The following RORA variants were observed in gnomAD, a reference collection of about 807,000 sequenced individuals.
RORA encodes the protein nuclear receptor ROR-alpha.
Under a neutral mutation model 69.5 loss-of-function variants are expected in RORA, and 7 were observed. That is an observed-to-expected ratio of 0.10 (90% CI 0.06 to 0.19). The LOEUF is 0.19. RORA is among the 10% of genes least tolerant of loss of function. RORA has a pLI of 1.00. For missense variants in RORA, 457 were observed against 663.0 expected (o/e 0.69, Z 3.41); for synonymous variants, 261 against 240.8 (o/e 1.08, Z -0.78).
intron 2 of RORA, among the ~76,000 whole-genome samples, chr15:60,613,617 C>G (rs1393083866): frequency 6.6e-6 from 1 of 151,830 alleles, no homozygotes. Flanking sequence ...ATGAATGTCT[C>G]TTTGTGAACT....
chr15:61,194,623 A>C (rs1380639853), intron 1 of RORA, among the ~76,000 whole-genome samples: 1 of 151,894 alleles, frequency 6.6e-6, no homozygotes, highest in African/African-American at 2.4e-5. Flanking sequence ...ATCATTCCAT[A>C]GACAATGGCC....
Position 60,883,636 on chromosome 15 carries a change from C to A in RORA, c.167-204950G>T, listed in dbSNP as rs188946363. Among the ~76,000 whole-genome samples the A allele has an allele frequency of 1.7e-3, 264 of 152,240 alleles. 1 individual carries two copies. Among genetic ancestry groups the A allele is most frequent in the Non-Finnish European group, 3.3e-3 (223 of 68,012 alleles). ...AAAATGAATAAATGAATATAGTTAT[C>A]AGTGACAGTATTACAGATAATTAGA... On this transcript the variant is annotated intron_variant, in intron 1 of 10. Transcript: ENST00000335670.
intron 1 of RORA, among the ~76,000 whole-genome samples, chr15:60,865,600 T>C (rs1281089724): frequency 6.6e-6 from 1 of 152,214 alleles, no homozygotes; most frequent in Non-Finnish European, 1.5e-5. Context: ...AACTGAGGCA[T>C]TACACAGTTT....
At chr15:61,031,991 G>C (rs1217540940) in intron 1 of RORA, among the ~76,000 whole-genome samples, 3 of 152,180 alleles carry the variant, frequency 2.0e-5, no homozygotes, top group Non-Finnish European at 4.4e-5. Context: ...TTTTATCGCT[G>C]ATTACCTGAT....
At chr15:60,606,334 A>C (rs924388494) in intron 2 of RORA, among the ~76,000 whole-genome samples, 4 of 152,256 alleles carry the variant, frequency 2.6e-5, no homozygotes, top group African/African-American at 7.2e-5. Context: ...TTCCAGCAAC[A>C]AAATAATCCC....
intron 1 of RORA, among the ~76,000 whole-genome samples, chr15:61,064,503 C>G (rs192891130): frequency 4.6e-4 from 70 of 152,266 alleles, no homozygotes; most frequent in African/African-American, 1.7e-3. Flanking sequence ...ACTTTAGAAC[C>G]AAGAGAGTCA....
intron 1 of RORA, among the ~76,000 whole-genome samples, chr15:60,995,133 C>A (rs764330791): frequency 6.6e-6 from 1 of 152,014 alleles, no homozygotes; most frequent in Non-Finnish European, 1.5e-5. Context: ...GAGGGTGGGG[C>A]AGAGAATAGG....
rs1432299454 is a variant in RORA, at chr15:61,213,952, A to G, written c.166+15101T>C. On this transcript the variant is annotated intron_variant, in intron 1 of 10. Coordinates refer to ENST00000335670, the MANE Select transcript of RORA (RefSeq NM_134261.3). The surrounding 1 kb of genome is among the most constrained non-coding windows in gnomAD (Gnocchi z 4.1). ...ATCCCAGTCCTCCCTCAGCTGGCTC[A>G]TCTTTCACATATTGATTCTAAACTG... 6.6e-6 allele frequency: 1 copy of G among 152,250 alleles called. No individual in the cohort carries two copies. The highest frequency in any genetic ancestry group is 2.4e-5 in the African/African-American group (1 of 41,446). The allele number at this position is 152,250 out of a possible 1,614,324, so 9.4% of individuals were successfully genotyped here. A position where few individuals can be genotyped will look rare whatever the true frequency, so the allele number is the denominator to read the frequency against.
chr15:60,833,034 A>T (rs1305018261), intron 1 of RORA, among the ~76,000 whole-genome samples: 1 of 151,564 alleles, frequency 6.6e-6, no homozygotes, highest in African/African-American at 2.4e-5. Flanking sequence ...CCTCCTGAGT[A>T]GCTGGGACTA....
chr15:60,841,565 T>G (rs73428368), intron 1 of RORA, among the ~76,000 whole-genome samples: 4,698 of 152,054 alleles, frequency 0.031, 253 homozygotes, highest in African/African-American at 0.11. Context: ...AAAGGAAGAG[T>G]AAAAATGCTA....
intron 1 of RORA, among the ~76,000 whole-genome samples, chr15:61,057,290 T>C (rs1344850821): frequency 6.6e-6 from 1 of 152,242 alleles, no homozygotes; most frequent in African/African-American, 2.4e-5. Flanking sequence ...TATTCTAGTA[T>C]AAAAGAGAAA....
At chr15:60,916,973 G>C (rs547215471) in intron 1 of RORA, among the ~76,000 whole-genome samples, 6 of 152,162 alleles carry the variant, frequency 3.9e-5, no homozygotes, top group Non-Finnish European at 5.9e-5. Context: ...GTGTTGACAG[G>C]GAAATTCCCC....
In RORA at chr15:60,985,281, G is replaced by C. The variant is rs540112891; in HGVS notation, c.166+243772C>G. On this transcript the variant is annotated intron_variant, in intron 1 of 10. Coordinates refer to ENST00000335670, the MANE Select transcript of RORA (RefSeq NM_134261.3). Reference sequence around the variant, plus strand: ...TGAAGTTCTTTAAAGAAGGGATTTAGAATTTAAATAGTATGGTTATTAGTA... The same window carrying C: ...TGAAGTTCTTTAAAGAAGGGATTTACAATTTAAATAGTATGGTTATTAGTA... Among the ~76,000 whole-genome samples, 3 of 152,202 alleles carry C rather than the reference G, an allele frequency of 2.0e-5. No homozygotes were observed. In the East Asian group the frequency reaches 5.8e-4, roughly 29 times the overall value.
chr15:60,654,423 G>A (rs984803407), intron 2 of RORA, among the ~76,000 whole-genome samples: 26 of 152,136 alleles, frequency 1.7e-4, no homozygotes, highest in Admixed American at 2.6e-4. Context: ...AAGCAAGCAA[G>A]CAAACAGAAA....
chr15:60,738,432 C>T (rs547253477), intron 1 of RORA, among the ~76,000 whole-genome samples: 16 of 152,362 alleles, frequency 1.1e-4, no homozygotes, highest in African/African-American at 3.4e-4. Context: ...GTAGGGGCCA[C>T]TCACCTGTTC....
chr15:60,857,936 A>G (rs1261783119), intron 1 of RORA, among the ~76,000 whole-genome samples: 1 of 152,254 alleles, frequency 6.6e-6, no homozygotes, highest in Admixed American at 6.5e-5. Context: ...GGATGACAGA[A>G]GAAGCTACAC....
At chr15:61,035,685 A>G (rs1896423856) in intron 1 of RORA, among the ~76,000 whole-genome samples, 1 of 152,160 alleles carries the variant, frequency 6.6e-6, no homozygotes, top group Admixed American at 6.6e-5. Context: ...ATGAAATGTC[A>G]TTTTTAAAAA....
At chr15:60,658,728 A>T (rs1027406254) in intron 2 of RORA, among the ~76,000 whole-genome samples, 26 of 152,264 alleles carry the variant, frequency 1.7e-4, no homozygotes, top group Admixed American at 9.8e-4. Context: ...AAAGAAGATA[A>T]CATGTTACAG....
intron 1 of RORA, among the ~76,000 whole-genome samples, chr15:61,102,431 A>G (rs1380490850): frequency 2.0e-5 from 3 of 152,186 alleles, no homozygotes; most frequent in African/African-American, 4.8e-5. Flanking sequence ...GGCTGCCCCA[A>G]CTGTCAGAGC....
Sources: gnomAD v4.1 joint callset for allele counts (sites outside exome capture counted in the v4.1 genomes callset) on GRCh38, gnomAD v4.1.1 for gene constraint, Gnocchi (gnomAD v3.1) non-coding constraint, MANE v1.5 for transcripts, NCBI Gene and HGNC (gene_info 2026-07-23, HGNC 2026-07-21) for gene names.